DLGAP2: variants seen among roughly 807,000 people sequenced by gnomAD.
DLGAP2 encodes disks large-associated protein 2.
In DLGAP2, 26 loss-of-function variants were observed where a neutral mutation model predicts 100.3. The ratio of observed to expected loss-of-function variants is 0.26; its 90% CI spans 0.19 to 0.36. DLGAP2 has a LOEUF of 0.36. Ranked by LOEUF, DLGAP2 falls within the 10% of genes least tolerant of loss-of-function variation. DLGAP2 has a pLI of 1.00. For missense variants in DLGAP2, 1,858 were observed against 1,453.2 expected (o/e 1.28, Z -4.53); for synonymous variants, 886 against 630.1 (o/e 1.41, Z -6.08).
At chr8:1,063,190 A>T (rs1182237064) in intron 2 of DLGAP2, among the ~76,000 whole-genome samples, 1 of 152,228 alleles carries the variant, frequency 6.6e-6, no homozygotes, top group Non-Finnish European at 1.5e-5. Flanking sequence ...AAGTGCTGCC[A>T]TATATTTGTC....
chr8:1,549,793 A>T, intron 5 of DLGAP2, 110 bp downstream of exon 5: 30 of 1,193,690 alleles, frequency 2.5e-5, no homozygotes, highest in Non-Finnish European at 3.3e-5. Flanking sequence ...AGGTTGTGCA[A>T]CAGGATGTTC....
intron 3 of DLGAP2, among the ~76,000 whole-genome samples, chr8:1,390,997 C>T (rs1312430508): frequency 6.6e-6 from 1 of 152,182 alleles, no homozygotes; most frequent in East Asian, 1.9e-4. Flanking sequence ...GACGAAGGGG[C>T]AGCAGCTGAA....
intron 2 of DLGAP2, among the ~76,000 whole-genome samples, chr8:1,228,978 G>A (rs1178466214): frequency 6.6e-6 from 1 of 152,052 alleles, no homozygotes; most frequent in African/African-American, 2.4e-5. Context: ...AAAGGAAGAA[G>A]CAAAACAATA....
chr8:1,412,433 C>T (rs755849323), intron 3 of DLGAP2, among the ~76,000 whole-genome samples: 8 of 152,216 alleles, frequency 5.3e-5, no homozygotes, highest in Non-Finnish European at 8.8e-5. Flanking sequence ...TGTTACATTG[C>T]TAAATGCATG....
intron 1 of DLGAP2, among the ~76,000 whole-genome samples, chr8:824,737 A>G (rs1260223893): frequency 6.6e-6 from 1 of 152,086 alleles, no homozygotes; most frequent in African/African-American, 2.4e-5. Context: ...AGGACCCAGG[A>G]TCCAGACATG....
At chr8:1,104,917 C>A (rs1382059456) in intron 2 of DLGAP2, 1 of 152,242 alleles carries the variant, frequency 6.6e-6, no homozygotes, top group Non-Finnish European at 1.5e-5. Flanking sequence ...TCCTTCTTAG[C>A]AGAGGAGAAA....
Position 908,051 on chromosome 8 carries a change from A to G in DLGAP2, c.73+85A>G, listed in dbSNP as rs1448774687. 7 of 397,228 alleles carry G rather than the reference A, an allele frequency of 1.8e-5. No homozygotes were observed. The Admixed American group carries it at 3.1e-4, about 18-fold the overall frequency. 24.6% of individuals were successfully genotyped at this position (397,228 alleles called of 1,614,324 possible). The stretch of plus-strand genomic sequence containing the variant: ...AGAAATGTGATTACCTAATTTAGAT[A>G]TTTTGTGCATTTTTATTTTGTGGGT... On this transcript the variant is annotated intron_variant, in intron 2 of 14. Coordinates refer to ENST00000637795, the MANE Select transcript of DLGAP2 (RefSeq NM_001346810.2).
intron 2 of DLGAP2, among the ~76,000 whole-genome samples, chr8:1,246,110 T>C (rs1256879244): frequency 6.6e-6 from 1 of 152,222 alleles, no homozygotes; most frequent in Non-Finnish European, 1.5e-5. Flanking sequence ...ATATCTTAAA[T>C]TTGTCATGAA....
chr8:1,483,092 G>C (rs974149576), intron 3 of DLGAP2, among the ~76,000 whole-genome samples: 8 of 152,286 alleles, frequency 5.3e-5, no homozygotes, highest in Admixed American at 1.3e-4. Flanking sequence ...CCCCGCGGCA[G>C]CCTGGGAGAT....
chr8:897,831 C>T (rs897487620), intron 1 of DLGAP2, among the ~76,000 whole-genome samples: 10 of 152,286 alleles, frequency 6.6e-5, no homozygotes, highest in Non-Finnish European at 1.0e-4. Flanking sequence ...GGGTGCTCTC[C>T]GTGCGGGGTT....
At chr8:1,592,153 C>A (rs113599597) in intron 6 of DLGAP2, among the ~76,000 whole-genome samples, 1 of 152,232 alleles carries the variant, frequency 6.6e-6, no homozygotes, top group Non-Finnish European at 1.5e-5. Context: ...CCCGCCCAGG[C>A]TTACCTAACG....
chr8:963,565 G>A (rs1026819043), intron 2 of DLGAP2, among the ~76,000 whole-genome samples: 5 of 152,006 alleles, frequency 3.3e-5, no homozygotes, highest in Non-Finnish European at 5.9e-5. Context: ...TCAACACAAC[G>A]TAAGCAAGGA....
intron 8 of DLGAP2, among the ~76,000 whole-genome samples, chr8:1,636,879 A>G (rs1797778945): frequency 6.6e-6 from 1 of 152,264 alleles, no homozygotes; most frequent in African/African-American, 2.4e-5. Context: ...TGGGCTGATC[A>G]TAAAACGTTT....
At chr8:1,524,067 G>C (rs576957836) in intron 4 of DLGAP2, among the ~76,000 whole-genome samples, 1 of 152,182 alleles carries the variant, frequency 6.6e-6, no homozygotes, top group African/African-American at 2.4e-5. Context: ...ACGTCGTCCC[G>C]TGTAAGAGTT....
intron 1 of DLGAP2, among the ~76,000 whole-genome samples, chr8:757,831 T>TA (rs1820958140): frequency 6.6e-6 from 1 of 152,082 alleles, no homozygotes; most frequent in Non-Finnish European, 1.5e-5. Flanking sequence ...AAAGACTGAG[T>TA]CTCCTCTCGT....
chr8:1,324,988 C>G (rs1218573116), intron 3 of DLGAP2, among the ~76,000 whole-genome samples: 1 of 152,156 alleles, frequency 6.6e-6, no homozygotes, highest in Admixed American at 6.6e-5. Flanking sequence ...TCACAAATAT[C>G]CGAAACCACC....
At chr8:845,468 G>C (rs1008256281) in intron 1 of DLGAP2, among the ~76,000 whole-genome samples, 5 of 152,134 alleles carry the variant, frequency 3.3e-5, no homozygotes, top group Non-Finnish European at 7.4e-5. Context: ...TCTCCTTTGG[G>C]AGAAATATCT....
intron 3 of DLGAP2, among the ~76,000 whole-genome samples, chr8:1,443,511 C>T (rs1797897529): frequency 6.6e-6 from 1 of 152,178 alleles, no homozygotes; most frequent in Non-Finnish European, 1.5e-5. Flanking sequence ...GTGGTGTATT[C>T]GTCTGTTCTC....
At chr8:1,592,353 T>A (rs1277900163) in intron 6 of DLGAP2, among the ~76,000 whole-genome samples, 4 of 152,192 alleles carry the variant, frequency 2.6e-5, no homozygotes, top group Non-Finnish European at 5.9e-5. Context: ...ATACTATTTT[T>A]TATCCCTTTC....
Sources: allele counts gnomAD v4.1 joint callset (sites outside exome capture counted in the v4.1 genomes callset), GRCh38; gene constraint gnomAD v4.1.1; transcripts MANE v1.5; gene names NCBI Gene and HGNC (gene_info 2026-07-23, HGNC 2026-07-21).